Variants in KIFC3 observed in about 807,000 individuals in gnomAD.
KIFC3 encodes kinesin family member C3.
A neutral mutation model predicts 101.8 loss-of-function variants in KIFC3; 60 were observed. That is an observed-to-expected ratio of 0.59 (90% CI 0.48 to 0.73). KIFC3 has a LOEUF of 0.73. Ranked by LOEUF, KIFC3 falls within the 30% of genes least tolerant of loss-of-function variation. The probability of loss-of-function intolerance (pLI) is 0.00; values close to 1 mark genes in which losing one functional copy is unlikely to be tolerated. For missense variants in KIFC3, 966 were observed against 1,137.1 expected (o/e 0.85, Z 2.16); for synonymous variants, 476 against 482.7 (o/e 0.99, Z 0.18).
At chr16:57,861,493 T>C (rs1368206194) in intron 1 of KIFC3, among the ~76,000 whole-genome samples, 1 of 152,154 alleles carries the variant, frequency 6.6e-6, no homozygotes, top group Non-Finnish European at 1.5e-5. Context: ...ATCTCATAAA[T>C]GAAACAAAGC....
At position 57,766,854 on chromosome 16, in the gene KIFC3, C is replaced by T. The variant is rs782459892; in HGVS notation, c.1330+20G>A. 15 of 1,592,912 alleles carry T rather than the reference C, an allele frequency of 9.4e-6. No homozygotes were observed. In the East Asian group the frequency reaches 2.5e-4, roughly 26 times the overall value. ...GAGGACCCCGAGGCCAGCGCCCACC[C>T]CCAGCCCTCCTGCAGTCACCTTTCA... On this transcript the variant is annotated intron_variant, in intron 10 of 19. Coordinates refer to ENST00000445690, the MANE Select transcript of KIFC3 (RefSeq NM_001130100.2).
chr16:57,857,062 C>T (rs1289695320), intron 1 of KIFC3, among the ~76,000 whole-genome samples: 3 of 152,150 alleles, frequency 2.0e-5, no homozygotes, highest in African/African-American at 7.2e-5. Context: ...ATTAGTAATG[C>T]CTACAACTGA....
chr16:57,850,362 C>T (rs554175363), intron 1 of KIFC3, among the ~76,000 whole-genome samples: 1 of 151,632 alleles, frequency 6.6e-6, no homozygotes, highest in Non-Finnish European at 1.5e-5. Context: ...ATGATTGAGC[C>T]ACTGGACTCC....
chr16:57,806,449 G>A (rs868939737), upstream of KIFC3, among the ~76,000 whole-genome samples: 5 of 151,966 alleles, frequency 3.3e-5, no homozygotes, highest in Admixed American at 2.6e-4. Flanking sequence ...CAGCATCCCC[G>A]ACCCTGGATC....
At position 57,758,903 on chromosome 16, in the gene KIFC3, G is replaced by A. The variant is rs111313750; in HGVS notation, c.*31C>T. 1.8e-3 allele frequency: 2,885 copies of A among 1,579,980 alleles called. 25 individuals carry two copies. The African/African-American group carries it at 0.026, about 14-fold the overall frequency. On this transcript the variant is annotated 3_prime_UTR_variant, in exon 20 of 20. Transcript: ENST00000445690. ...CATCCGTCACACAGGCAGTGGCCGC[G>A]ACTTCCCTGCAGGGGCATGAGATCA...
intron 2 of KIFC3, among the ~76,000 whole-genome samples, chr16:57,795,679 G>A (rs1314389295): frequency 6.6e-6 from 1 of 152,102 alleles, no homozygotes; most frequent in Non-Finnish European, 1.5e-5. Context: ...CCTCACCCAT[G>A]GGAGAGAGGG....
At chr16:57,777,877 C>T (rs917736755) in intron 3 of KIFC3, among the ~76,000 whole-genome samples, 1 of 152,210 alleles carries the variant, frequency 6.6e-6, no homozygotes, top group African/African-American at 2.4e-5. Context: ...TTGCCAAGAT[C>T]ATTTAATGTG....
intron 3 of KIFC3, among the ~76,000 whole-genome samples, chr16:57,786,905 C>A (rs368975823): frequency 2.0e-5 from 3 of 152,206 alleles, no homozygotes; most frequent in Non-Finnish European, 4.4e-5. Context: ...ACAGGCCCCC[C>A]CAACCCGCTC....
At chr16:57,859,515 A>T (rs2056249735) in intron 1 of KIFC3, among the ~76,000 whole-genome samples, 3 of 152,276 alleles carry the variant, frequency 2.0e-5, no homozygotes, top group African/African-American at 7.2e-5. Context: ...GTTTTCACGA[A>T]GCTCTCAGAA....
chr16:57,759,742 TTCC>T lies in KIFC3; in HGVS notation c.2459_2461del (p.Arg820del), dbSNP rs1225200459. 21 of 1,609,888 alleles carry T rather than the reference TTCC, an allele frequency of 1.3e-5. No individual in the cohort carries two copies. The highest frequency in any genetic ancestry group is 1.8e-5 in the Non-Finnish European group (21 of 1,178,176). On this transcript the variant is annotated inframe_deletion, in exon 18 of 20. Transcript: ENST00000445690. ...TCCAGGCTCACCCGAGGGCTGCAGC[TTCC>T]TCCGGATGGATCCAGGGCGGCTACT...
chr16:57,760,623 A>T, intron 16 of KIFC3, 103 bp downstream of exon 16: 1 of 1,136,754 alleles, frequency 8.8e-7, no homozygotes, highest in Admixed American at 1.9e-5. Flanking sequence ...GGCCAGGTCT[A>T]GGGGCGGGGA....
At chr16:57,786,466 A>C (rs2053333809) in intron 3 of KIFC3, among the ~76,000 whole-genome samples, 1 of 151,054 alleles carries the variant, frequency 6.6e-6, no homozygotes, top group Admixed American at 6.6e-5. Context: ...GGCGCCAAGA[A>C]TGGCCATGGT....
At chr16:57,773,518 C>T (rs1230298092) in intron 3 of KIFC3, among the ~76,000 whole-genome samples, 1 of 152,200 alleles carries the variant, frequency 6.6e-6, no homozygotes, top group Non-Finnish European at 1.5e-5. Context: ...GCCGAGTGCA[C>T]CAGTGCACGC....
chr16:57,760,230 CAA>C (rs2049677026), intron 17 of KIFC3, 50 bp downstream of exon 17: 2 of 1,576,520 alleles, frequency 1.3e-6, no homozygotes, highest in Admixed American at 1.8e-5. Flanking sequence ...TGCCATGACC[CAA>C]AGTCTCTGAC....
chr16:57,805,940 C>T (rs1442918595), upstream of KIFC3, among the ~76,000 whole-genome samples: 1 of 151,744 alleles, frequency 6.6e-6, no homozygotes, highest in East Asian at 1.9e-4. Context: ...GGTTTTGCCA[C>T]GTTGGCCAGG....
In KIFC3 at chr16:57,856,444, G is replaced by A. The variant is rs77552839; in HGVS notation, c.108+6285C>T. Among the ~76,000 whole-genome samples the A allele has an allele frequency of 1.4e-3, 186 of 128,366 alleles. 1 individual carries two copies. The highest frequency in any genetic ancestry group is 5.2e-3 in the African/African-American group (181 of 34,978). 84.2% of individuals were successfully genotyped at this position (128,366 alleles called of 152,430 possible). On this transcript the variant is annotated intron_variant, in intron 1 of 2. Coordinates refer to the KIFC3 transcript ENST00000563028. Reference sequence around the variant, plus strand: ...GCAGTGCATTCCAGCCTGGGTGACAGAGACCGTGTCTAAAAAAAGAAAGGA... The same window carrying A: ...GCAGTGCATTCCAGCCTGGGTGACAAAGACCGTGTCTAAAAAAAGAAAGGA...
At chr16:57,834,370 A>G (rs540809244) in intron 1 of KIFC3, among the ~76,000 whole-genome samples, 7 of 152,172 alleles carry the variant, frequency 4.6e-5, no homozygotes, top group Non-Finnish European at 1.0e-4. Flanking sequence ...TTTTTTGAAC[A>G]TTAAAAAAAT....
chr16:57,812,030 G>A (rs2055093173), intron 1 of KIFC3, among the ~76,000 whole-genome samples: 2 of 149,986 alleles, frequency 1.3e-5, no homozygotes, highest in Admixed American at 6.6e-5. Context: ...GTGACAGAGC[G>A]AGACCCCGTC....
chr16:57,795,892 T>TTTG (rs1568048010), intron 2 of KIFC3, among the ~76,000 whole-genome samples: 21 of 130,326 alleles, frequency 1.6e-4, no homozygotes, highest in African/African-American at 2.3e-4. Flanking sequence ...TTGTTTTTTT[T>TTTG]TTTTTTTTTT....
Sources: allele counts gnomAD v4.1 joint callset (sites outside exome capture counted in the v4.1 genomes callset), GRCh38; gene constraint gnomAD v4.1.1; transcripts MANE v1.5; gene names NCBI Gene and HGNC (gene_info 2026-07-23, HGNC 2026-07-21).